The following RBM17 variants were observed in gnomAD, a reference collection of about 807,000 sequenced individuals.
RBM17 encodes splicing factor 45.
RBM17 carries 7 observed loss-of-function variants against 53.2 expected under a neutral mutation model. That is an observed-to-expected ratio of 0.13 (90% confidence interval 0.07 to 0.25). The LOEUF (loss-of-function observed/expected upper bound fraction) is 0.25. Ranked by LOEUF, RBM17 falls within the 10% of genes least tolerant of loss-of-function variation. RBM17 has a pLI of 1.00. For synonymous variants in RBM17, 167 were observed against 178.1 expected (o/e 0.94, Z 0.50); for missense variants, 257 against 496.7 (o/e 0.52, Z 4.59).
Position 6,089,577 on chromosome 10 carries a change from C to G in RBM17, c.-19+384C>G, listed in dbSNP as rs1441593730. ...ACCGAGTAGCCCGTAGCGTGTCCCC[C>G]CTGGCCCTGCACGGTTGCCCCTCTC... On this transcript the variant is annotated intron_variant, in intron 1 of 11. Coordinates refer to ENST00000379888, the MANE Select transcript of RBM17 (RefSeq NM_032905.5). The surrounding 1 kb of genome is among the most constrained non-coding windows in gnomAD (Gnocchi z 5.6). 1.3e-5 allele frequency: 2 copies of G among 152,682 alleles called. No homozygotes were observed. Among genetic ancestry groups the G allele is most frequent in the Admixed American group, 1.3e-4 (2 of 15,292 alleles). 9.5% of individuals were successfully genotyped at this position (152,682 alleles called of 1,614,324 possible). A position where few individuals can be genotyped will look rare whatever the true frequency, so the allele number is the denominator to read the frequency against.
In RBM17 at chr10:6,094,453, T is replaced by G. The variant is rs574597061; in HGVS notation, c.-18-2595T>G. On this transcript the variant is annotated intron_variant, in intron 1 of 11. Transcript: ENST00000379888. ...TTTGTGATTTCCCAGAAAGTCGCAT[T>G]GTTTATTTCTCAGAATCTGTTAGTA... Among the ~76,000 whole-genome samples, 56 of 152,370 alleles carry G rather than the reference T, an allele frequency of 3.7e-4. 1 individual carries two copies. In the South Asian group the frequency reaches 0.011, roughly 30 times the overall value.
intron 11 of RBM17, 70 bp downstream of exon 11, chr10:6,115,381 T>C: frequency 6.5e-7 from 1 of 1,532,458 alleles, no homozygotes; most frequent in Non-Finnish European, 9.0e-7. Context: ...ACAAGTAAAG[T>C]TACTGTTTAA....
intron 2 of RBM17, among the ~76,000 whole-genome samples, chr10:6,098,060 G>T (rs555003308): frequency 0.02 from 1,998 of 99,300 alleles, 102 homozygotes; most frequent in East Asian, 0.14. Flanking sequence ...GAAATAACAT[G>T]TAAAACATTA....
At chr10:6,106,357 T>G in intron 5 of RBM17, 119 bp downstream of exon 5, 1 of 678,130 alleles carries the variant, frequency 1.5e-6, no homozygotes, top group Middle Eastern at 3.4e-4. Flanking sequence ...GGTAATTTTC[T>G]TTCTGGAATC....
chr10:6,104,245 C>T (rs1202346467), intron 3 of RBM17, among the ~76,000 whole-genome samples: 1 of 152,152 alleles, frequency 6.6e-6, no homozygotes, highest in Non-Finnish European at 1.5e-5. Context: ...GTCATGGCTA[C>T]CTCTTTTCTT....
Position 6,089,573 on chromosome 10 carries a change from C to G in RBM17, c.-19+380C>G, listed in dbSNP as rs1352957352. The G allele has an allele frequency of 6.6e-6, 1 of 152,620 alleles. No individual in the cohort carries two copies. The highest frequency in any genetic ancestry group is 1.5e-5 in the Non-Finnish European group (1 of 68,252). 9.5% of individuals were successfully genotyped at this position (152,620 alleles called of 1,614,324 possible). A position where few individuals can be genotyped will look rare whatever the true frequency, so the allele number is the denominator to read the frequency against. ...CAGAACCGAGTAGCCCGTAGCGTGT[C>G]CCCCCTGGCCCTGCACGGTTGCCCC... is the stretch of plus-strand genomic sequence containing the variant. On this transcript the variant is annotated intron_variant, in intron 1 of 11. Coordinates refer to ENST00000379888, the MANE Select transcript of RBM17 (RefSeq NM_032905.5). The surrounding 1 kb of genome is among the most constrained non-coding windows in gnomAD (Gnocchi z 5.6).
In RBM17 at chr10:6,110,147, A is replaced by G; in HGVS notation, c.704+20A>G. ...CATGGGGTAATGATTTAATGTTCTTATCTAAGGACTTGAGAGACAGTGTGA... is the reference window on the plus strand; with the variant it reads ...CATGGGGTAATGATTTAATGTTCTTGTCTAAGGACTTGAGAGACAGTGTGA... On this transcript the variant is annotated intron_variant, in intron 7 of 11. Transcript: ENST00000379888. 1 of 1,594,746 alleles carries G rather than the reference A, an allele frequency of 6.3e-7. No homozygotes were observed. Among genetic ancestry groups the G allele is most frequent in the Non-Finnish European group, 8.5e-7 (1 of 1,170,152 alleles).
Position 6,115,782 on chromosome 10 carries a change from CTT to C in RBM17, c.*231_*232del, listed in dbSNP as rs983990178. On this transcript the variant is annotated 3_prime_UTR_variant, in exon 12 of 12. Transcript: ENST00000379888. ...TCTGTGTGCCTCTCTGGTTGTTTCT[CTT>C]TTTTATTATTACTCCTGAGTTGATG... 2.9e-6 allele frequency: 1 copy of C among 341,818 alleles called. No homozygotes were observed. The highest frequency in any genetic ancestry group is 5.2e-6 in the Non-Finnish European group (1 of 193,062). The allele number at this position is 341,818 out of a possible 1,614,324, so 21.2% of individuals were successfully genotyped here. A position where few individuals can be genotyped will look rare whatever the true frequency, so the allele number is the denominator to read the frequency against.
intron 3 of RBM17, among the ~76,000 whole-genome samples, chr10:6,104,680 TC>T (rs1343788621): frequency 1.3e-5 from 2 of 152,210 alleles, no homozygotes; most frequent in Non-Finnish European, 2.9e-5. Flanking sequence ...ATTTAGGAAT[TC>T]CAGGAAAAAT....
intron 1 of RBM17, among the ~76,000 whole-genome samples, chr10:6,091,023 A>ATATATATTTATATATTTT (rs1564564071): frequency 8.1e-6 from 1 of 123,098 alleles, no homozygotes; most frequent in African/African-American, 3.1e-5. Flanking sequence ...TTATATATTT[A>ATATATATTTATATATTTT]TATATATTTA....
At chr10:6,095,778 A>G (rs1840563036) in intron 1 of RBM17, among the ~76,000 whole-genome samples, 1 of 152,008 alleles carries the variant, frequency 6.6e-6, no homozygotes. Context: ...GTTGGTGTGC[A>G]CTCCGTCCCC....
At chr10:6,100,399 TC>T (rs1384088357) in intron 2 of RBM17, among the ~76,000 whole-genome samples, 1 of 152,212 alleles carries the variant, frequency 6.6e-6, no homozygotes, top group Admixed American at 6.5e-5. Flanking sequence ...TGGGAAGTGT[TC>T]CTGCCTAAAA....
intron 5 of RBM17, among the ~76,000 whole-genome samples, chr10:6,108,164 A>G (rs1054035907): frequency 5.9e-5 from 9 of 152,204 alleles, no homozygotes; most frequent in Non-Finnish European, 1.5e-5. Flanking sequence ...CACACTGGAA[A>G]AGGAGCGTGC....
intron 1 of RBM17, among the ~76,000 whole-genome samples, chr10:6,095,077 C>G (rs1325070968): frequency 2.6e-5 from 4 of 152,154 alleles, no homozygotes; most frequent in Admixed American, 2.6e-4. Flanking sequence ...GAATGGAGTT[C>G]ATTATTTTTT....
intron 5 of RBM17, among the ~76,000 whole-genome samples, chr10:6,106,572 C>T (rs41295159): frequency 6.6e-6 from 1 of 152,172 alleles, no homozygotes; most frequent in Admixed American, 6.5e-5. Context: ...AGGGGGGAAG[C>T]ATAGTTAACA....
chr10:6,112,071 C>T lies in RBM17; in HGVS notation c.705-139C>T, dbSNP rs1436646060. ...ACAGCTTCCATCTAATAGCCCACTC[C>T]TAGTTAATGAGTGACTTTGTTGAAG... is the stretch of plus-strand genomic sequence containing the variant. On this transcript the variant is annotated intron_variant, in intron 7 of 11. Coordinates refer to ENST00000379888, the MANE Select transcript of RBM17 (RefSeq NM_032905.5). The surrounding 1 kb of genome is among the most constrained non-coding windows in gnomAD (Gnocchi z 4.4). 2.7e-6 allele frequency: 2 copies of T among 731,322 alleles called. No homozygotes were observed. Among genetic ancestry groups the T allele is most frequent in the Non-Finnish European group, 4.5e-6 (2 of 446,514 alleles). 45.3% of individuals were successfully genotyped at this position (731,322 alleles called of 1,614,324 possible).
Position 6,113,521 on chromosome 10 carries a change from G to A in RBM17, c.870G>A (p.Lys290=), listed in dbSNP as rs1487660297. 8.7e-6 allele frequency: 14 copies of A among 1,612,370 alleles called. No individual in the cohort carries two copies. Among genetic ancestry groups the A allele is most frequent in the Non-Finnish European group, 1.2e-5 (14 of 1,178,616 alleles). Residue 290 remains lysine (K), a synonymous_variant, in exon 9 of 12, where the codon AAG becomes AAA. Coordinates refer to ENST00000379888, the MANE Select transcript of RBM17 (RefSeq NM_032905.5). ...GDATEKDASK[K]SDSNPLTEIL... ...GTTTTGATACAGATGCATCCAAGAA[G>A]TCAGATTCAAATCCGCTGACTGAAA...
At chr10:6,113,751 CTT>C (rs1315380422) in intron 9 of RBM17, among the ~76,000 whole-genome samples, 170 bp downstream of exon 9, 1 of 152,212 alleles carries the variant, frequency 6.6e-6, no homozygotes, top group Non-Finnish European at 1.5e-5. Flanking sequence ...GTGTAAGTCT[CTT>C]TGCTAAGTAC....
At chr10:6,102,281 G>A (rs1840679876) in intron 3 of RBM17, among the ~76,000 whole-genome samples, 1 of 152,280 alleles carries the variant, frequency 6.6e-6, no homozygotes, top group South Asian at 2.1e-4. Context: ...TGTGGGAAGG[G>A]CTGCATCAGG....
Sources: gnomAD v4.1 joint callset for allele counts (sites outside exome capture counted in the v4.1 genomes callset) on GRCh38, gnomAD v4.1.1 for gene constraint, Gnocchi (gnomAD v3.1) non-coding constraint, MANE v1.5 for transcripts, NCBI Gene and HGNC (gene_info 2026-07-23, HGNC 2026-07-21) for gene names.